The following CDH9 variants were observed in gnomAD, a reference collection of about 807,000 sequenced individuals.
The protein encoded by CDH9 is cadherin 9.
In CDH9, 28 loss-of-function variants were observed where a neutral mutation model predicts 70.9. That is an observed-to-expected ratio of 0.40 (90% CI 0.29 to 0.54). CDH9 has a LOEUF of 0.54. CDH9 is among the 20% of genes least tolerant of loss of function. CDH9 has a pLI of 0.59. For missense variants in CDH9, 874 were observed against 984.4 expected (o/e 0.89, Z 1.50); for synonymous variants, 409 against 343.1 (o/e 1.19, Z -2.12).
intron 3 of CDH9, 101 bp from the exon 4 acceptor site, chr5:26,906,939 G>A: frequency 3.0e-6 from 4 of 1,340,238 alleles, no homozygotes; most frequent in South Asian, 2.4e-5. Context: ...TGTATTAGAC[G>A]ATGTTGTATG....
chr5:26,963,450 A>G (rs1579480449), intron 2 of CDH9, among the ~76,000 whole-genome samples: 1 of 152,144 alleles, frequency 6.6e-6, no homozygotes, highest in African/African-American at 2.4e-5. Context: ...TTGGTTTATG[A>G]TGATAGCAAT....
rs1195343302 is a variant in CDH9 at position 26,915,900 on chromosome 5, C to G, written c.253G>C (p.Asp85His). The change falls in exon 3 of 12, where the codon GAT (aspartate) becomes CAT (histidine). Residue 85 changes from aspartate (D) to histidine (H), a missense_variant. Coordinates refer to ENST00000231021, the MANE Select transcript of CDH9 (RefSeq NM_016279.4). The stretch of plus-strand genomic sequence containing the variant: ...GTTAGTATGTATTTTAAATTTCCAT[C>G]TCCTTTATCTTGGTCAGTGTGAAGC... ...GKLHTDQDKGDGNLKYILTGD... is the reference protein window; with the variant it reads ...GKLHTDQDKGHGNLKYILTGD... 1 of 1,610,546 alleles carries G rather than the reference C, an allele frequency of 6.2e-7. No homozygotes were observed. The highest frequency in any genetic ancestry group is 2.2e-5 in the East Asian group (1 of 44,850).
intron 7 of CDH9, among the ~76,000 whole-genome samples, chr5:26,895,179 T>G (rs1740727896): frequency 6.6e-6 from 1 of 152,088 alleles, no homozygotes; most frequent in African/African-American, 2.4e-5. Flanking sequence ...CTTTTTACTT[T>G]TCAGCTACTG....
chr5:26,988,131 C>A lies in CDH9; in HGVS notation c.203G>T (p.Gly68Val). The change falls in exon 2 of 12, where the codon GGT (glycine) becomes GTT (valine). Residue 68 changes from glycine to valine, a missense_variant. Transcript: ENST00000231021. ...CTTGCCTACATATTGTGTGTCAGTACCTGTGTACTCTTCCAATAAGAAGAA... is the reference window on the plus strand; with the variant it reads ...CTTGCCTACATATTGTGTGTCAGTAACTGTGTACTCTTCCAATAAGAAGAA... ...NQFFLLEEYT[G>V]TDTQYVGKLH... 6.2e-7 allele frequency: 1 copy of A among 1,612,594 alleles called. No homozygotes were observed. The highest frequency in any genetic ancestry group is 8.5e-7 in the Non-Finnish European group (1 of 1,179,114).
intron 2 of CDH9, among the ~76,000 whole-genome samples, chr5:26,926,293 C>A (rs1229631250): frequency 3.2e-3 from 1 of 310 alleles, no homozygotes; most frequent in Non-Finnish European, 7.0e-3. Context: ...TCTTATACAC[C>A]AATAACAGAC....
chr5:26,913,274 T>A (rs1006328415), intron 3 of CDH9, among the ~76,000 whole-genome samples: 1 of 152,130 alleles, frequency 6.6e-6, no homozygotes, highest in Non-Finnish European at 1.5e-5. Flanking sequence ...TGCATATGCA[T>A]ATTGTATATA....
intron 1 of CDH9, among the ~76,000 whole-genome samples, chr5:27,038,228 GT>G: frequency 6.6e-6 from 1 of 152,022 alleles, no homozygotes; most frequent in South Asian, 2.1e-4. Flanking sequence ...GCTTGAGTAG[GT>G]ATCAGCTTTG....
At chr5:26,975,476 T>C (rs1249087005) in intron 2 of CDH9, among the ~76,000 whole-genome samples, 1 of 152,182 alleles carries the variant, frequency 6.6e-6, no homozygotes, top group African/African-American at 2.4e-5. Flanking sequence ...TAAGTATAGC[T>C]TTGGGGTAAA....
intron 7 of CDH9, among the ~76,000 whole-genome samples, chr5:26,898,366 G>C (rs1179389910): frequency 1.3e-5 from 2 of 152,068 alleles, no homozygotes; most frequent in Non-Finnish European, 2.9e-5. Flanking sequence ...TTATAGCAAA[G>C]ACAATCCTAA....
chr5:27,016,745 C>T (rs1318599227), intron 1 of CDH9, among the ~76,000 whole-genome samples: 3 of 151,548 alleles, frequency 2.0e-5, no homozygotes, highest in Non-Finnish European at 4.4e-5. Context: ...GGGTTATAAG[C>T]TTTTTATTTG....
intron 1 of CDH9, among the ~76,000 whole-genome samples, chr5:27,036,608 C>T (rs1743398277): frequency 6.6e-6 from 1 of 151,818 alleles, no homozygotes; most frequent in African/African-American, 2.4e-5. Flanking sequence ...ATTAGTACTA[C>T]CAAATCTGTC....
chr5:26,962,000 T>C (rs1372922890), intron 2 of CDH9, among the ~76,000 whole-genome samples: 1 of 152,076 alleles, frequency 6.6e-6, no homozygotes, highest in Non-Finnish European at 1.5e-5. Context: ...CAACAAGCCC[T>C]GGTGTGTGAT....
intron 2 of CDH9, among the ~76,000 whole-genome samples, chr5:26,967,605 C>T (rs962669833): frequency 1.3e-5 from 2 of 151,926 alleles, no homozygotes; most frequent in South Asian, 4.2e-4. Context: ...AGCAATAAGC[C>T]ACACAAATAA....
chr5:26,951,871 T>A (rs1448616278), intron 2 of CDH9, among the ~76,000 whole-genome samples: 1 of 152,174 alleles, frequency 6.6e-6, no homozygotes, highest in Non-Finnish European at 1.5e-5. Context: ...GGCACAAATG[T>A]GCCCATAACA....
intron 2 of CDH9, among the ~76,000 whole-genome samples, chr5:26,965,718 G>T (rs1297707815): frequency 1.3e-5 from 2 of 151,550 alleles, no homozygotes; most frequent in Non-Finnish European, 2.9e-5. Flanking sequence ...ATCATTTCTG[G>T]GTTTTACCCA....
intron 2 of CDH9, among the ~76,000 whole-genome samples, chr5:26,975,542 T>C (rs1429769697): frequency 6.6e-6 from 1 of 152,182 alleles, no homozygotes; most frequent in Non-Finnish European, 1.5e-5. Context: ...AATACTACAA[T>C]ATTATAAGCC....
chr5:26,975,031 T>TA (rs1260830877), intron 2 of CDH9, among the ~76,000 whole-genome samples: 3 of 152,048 alleles, frequency 2.0e-5, no homozygotes, highest in East Asian at 1.9e-4. Flanking sequence ...TATAATAGAA[T>TA]AAAAAAACAG....
At chr5:26,917,032 A>T (rs191755453) in intron 2 of CDH9, among the ~76,000 whole-genome samples, 1 of 152,092 alleles carries the variant, frequency 6.6e-6, no homozygotes, top group Non-Finnish European at 1.5e-5. Context: ...AATATTTACA[A>T]CAAACAGACC....
chr5:27,001,844 A>ACACTCTCTCTCTCT lies in CDH9; in HGVS notation c.-49-13463_-49-13462insAGAGAGAGAGAGTG, dbSNP rs1312157550. 3.9e-3 allele frequency among the ~76,000 whole-genome samples: 560 copies of ACACTCTCTCTCTCT among 142,038 alleles called. 7 individuals are homozygous for ACACTCTCTCTCTCT. The highest frequency in any genetic ancestry group is 0.014 in the African/African-American group (522 of 36,454). The allele number at this position is 142,038 out of a possible 152,430, so 93.2% of individuals were successfully genotyped here. On this transcript the variant is annotated intron_variant, in intron 1 of 11. Coordinates refer to ENST00000231021, the MANE Select transcript of CDH9 (RefSeq NM_016279.4). ...GTGCTTAACATACACACACACACACACTCTCTCTCTCTCTCTCTCTCTCTC... is the reference window on the plus strand; with the variant it reads ...GTGCTTAACATACACACACACACACACACTCTCTCTCTCTCTCTCTCTCTCTCTCTCTCTCTCTC...
Sources: gnomAD v4.1 joint callset for allele counts (sites outside exome capture counted in the v4.1 genomes callset) on GRCh38, gnomAD v4.1.1 for gene constraint, MANE v1.5 for transcripts, NCBI Gene and HGNC (gene_info 2026-07-23, HGNC 2026-07-21) for gene names.